The following TMEM178B variants were observed in gnomAD, a reference collection of about 807,000 sequenced individuals.
TMEM178B encodes transmembrane protein 178B.
TMEM178B carries 5 observed loss-of-function variants against 31.0 expected under a neutral mutation model. The ratio of observed to expected loss-of-function variants is 0.16; its 90% CI spans 0.08 to 0.34. TMEM178B has a LOEUF of 0.34. TMEM178B is among the 10% of genes least tolerant of loss of function. The probability of loss-of-function intolerance (pLI) is 1.00; values close to 1 mark genes in which losing one functional copy is unlikely to be tolerated. For missense variants in TMEM178B, 275 were observed against 400.3 expected, an observed-to-expected ratio of 0.69 and a Z score of 2.67; for synonymous variants, 164 against 164.0, an observed-to-expected ratio of 1.00 and a Z score of 0.00.
At chr7:141,379,385 TGA>T (rs1800275109) in intron 2 of TMEM178B, among the ~76,000 whole-genome samples, 2 of 151,916 alleles carry the variant, frequency 1.3e-5, no homozygotes, top group South Asian at 4.2e-4. Flanking sequence ...CTCGGAAGGC[TGA>T]GTCAGGAGGA....
chr7:141,459,565 C>G (rs997650206), intron 3 of TMEM178B, among the ~76,000 whole-genome samples: 4 of 152,152 alleles, frequency 2.6e-5, no homozygotes. Flanking sequence ...TGTGGATAAT[C>G]TCGTGCTAGG....
chr7:141,357,582 T>C (rs143617052), intron 2 of TMEM178B, among the ~76,000 whole-genome samples: 180 of 152,304 alleles, frequency 1.2e-3, no homozygotes, highest in Middle Eastern at 3.4e-3. Context: ...AATTTAGTAT[T>C]TTCTTCCATT....
chr7:141,099,532 G>A (rs541474017), intron 1 of TMEM178B, among the ~76,000 whole-genome samples: 2 of 152,174 alleles, frequency 1.3e-5, no homozygotes, highest in Non-Finnish European at 2.9e-5. Context: ...AGAACCATAA[G>A]CTGCAGCCTC....
intron 2 of TMEM178B, among the ~76,000 whole-genome samples, chr7:141,253,263 A>G (rs1289613282): frequency 6.6e-6 from 1 of 152,106 alleles, no homozygotes; most frequent in East Asian, 1.9e-4. Flanking sequence ...ACACAGCTGT[A>G]TGCAGAATTC....
At chr7:141,377,340 C>T (rs1016898960) in intron 2 of TMEM178B, among the ~76,000 whole-genome samples, 20 of 151,944 alleles carry the variant, frequency 1.3e-4, no homozygotes, top group Non-Finnish European at 2.8e-4. Flanking sequence ...CTTACCACCA[C>T]GCCCAGCTAA....
At chr7:141,405,097 AG>A (rs754030051) in intron 2 of TMEM178B, among the ~76,000 whole-genome samples, 5 of 152,214 alleles carry the variant, frequency 3.3e-5, no homozygotes, top group Non-Finnish European at 7.3e-5. Context: ...AATTTCTTCC[AG>A]TGGAAACTAA....
At chr7:141,295,780 C>A (rs217026) in intron 2 of TMEM178B, among the ~76,000 whole-genome samples, 16,233 of 152,164 alleles carry the variant, frequency 0.11, 1,351 homozygotes, top group African/African-American at 0.23. Flanking sequence ...ATTTTGGCTG[C>A]CAACCTGGAG....
intron 3 of TMEM178B, among the ~76,000 whole-genome samples, chr7:141,463,938 A>G (rs1802105402): frequency 6.6e-6 from 1 of 152,232 alleles, no homozygotes; most frequent in Admixed American, 6.5e-5. Flanking sequence ...CGTTTTAAGC[A>G]GCAGAGAATC....
chr7:141,482,763 C>A (rs1304780603), downstream of TMEM178B, among the ~76,000 whole-genome samples: 1 of 152,100 alleles, frequency 6.6e-6, no homozygotes, highest in Non-Finnish European at 1.5e-5. Context: ...CAGGGGAGAC[C>A]AGAAGCAAGT....
In TMEM178B at chr7:141,241,022, C is replaced by A. The variant is rs141706410; in HGVS notation, c.496+28318C>A. On this transcript the variant is annotated intron_variant, in intron 2 of 3. Coordinates refer to ENST00000565468, the MANE Select transcript of TMEM178B (RefSeq NM_001195278.2). ...TTTTTTTTTTTTTTTAAATTTATTT[C>A]ATAGCTTTTGGGGTACAAGCGTTTT... is the stretch of plus-strand genomic sequence containing the variant. 1.9e-3 allele frequency among the ~76,000 whole-genome samples: 284 copies of A among 147,496 alleles called. 1 individual carries two copies. Among genetic ancestry groups the A allele is most frequent in the African/African-American group, 6.8e-3 (272 of 39,858 alleles).
At chr7:141,079,223 G>A (rs1272360658) in intron 1 of TMEM178B, among the ~76,000 whole-genome samples, 1 of 152,172 alleles carries the variant, frequency 6.6e-6, no homozygotes, top group East Asian at 1.9e-4. Context: ...GGAGGTAGAG[G>A]TTGCGGTGAT....
intron 2 of TMEM178B, among the ~76,000 whole-genome samples, chr7:141,396,324 G>C (rs551215058): frequency 6.6e-6 from 1 of 152,206 alleles, no homozygotes; most frequent in Admixed American, 6.5e-5. Context: ...TGTTAAAAGA[G>C]GCAAATACCC....
At chr7:141,118,273 T>A (rs903190700) in intron 1 of TMEM178B, among the ~76,000 whole-genome samples, 4 of 152,208 alleles carry the variant, frequency 2.6e-5, no homozygotes, top group Non-Finnish European at 5.9e-5. Context: ...CTGGCCTGTC[T>A]GCCTTTGCTC....
intron 2 of TMEM178B, among the ~76,000 whole-genome samples, chr7:141,238,453 T>G (rs1797564311): frequency 6.6e-6 from 1 of 152,170 alleles, no homozygotes; most frequent in Non-Finnish European, 1.5e-5. Context: ...TTTTGATATA[T>G]CTTAACTGTG....
At chr7:141,323,985 C>A (rs991528488) in intron 2 of TMEM178B, among the ~76,000 whole-genome samples, 1 of 151,924 alleles carries the variant, frequency 6.6e-6, no homozygotes, top group Non-Finnish European at 1.5e-5. Context: ...AAATTGCAGG[C>A]AAAGAACCAG....
At chr7:141,486,860 T>A in the TMEM178B span, among the ~76,000 whole-genome samples, 1 of 152,090 alleles carries the variant, frequency 6.6e-6, no homozygotes, top group Non-Finnish European at 1.5e-5. Flanking sequence ...CGTAATACGT[T>A]ATCTGGAAAA....
chr7:141,457,614 G>A (rs1801989210), intron 3 of TMEM178B, among the ~76,000 whole-genome samples: 1 of 152,184 alleles, frequency 6.6e-6, no homozygotes, highest in Non-Finnish European at 1.5e-5. Flanking sequence ...TAATAAAAAT[G>A]CCACTCTCAC....
At chr7:141,249,958 A>G (rs1797802126) in intron 2 of TMEM178B, among the ~76,000 whole-genome samples, 1 of 152,262 alleles carries the variant, frequency 6.6e-6, no homozygotes, top group African/African-American at 2.4e-5. Flanking sequence ...TTAAGGAAAC[A>G]AAATTTAAAC....
chr7:141,303,969 C>T (rs535355017), intron 2 of TMEM178B, among the ~76,000 whole-genome samples: 54 of 152,306 alleles, frequency 3.5e-4, no homozygotes, highest in African/African-American at 1.3e-3. Context: ...GGTTCAGTGA[C>T]TTGTCTCAGA....
Sources: allele counts gnomAD v4.1 joint callset (sites outside exome capture counted in the v4.1 genomes callset), GRCh38; gene constraint gnomAD v4.1.1; transcripts MANE v1.5; gene names NCBI Gene and HGNC (gene_info 2026-07-23, HGNC 2026-07-21).